The following MYLK4 variants were observed in gnomAD, a reference collection of about 807,000 sequenced individuals.
MYLK4 encodes caMLCK like.
In MYLK4, 46 loss-of-function variants were observed where a neutral mutation model predicts 48.1. The ratio of observed to expected loss-of-function variants is 0.96; its 90% CI spans 0.75 to 1.22. The LOEUF (loss-of-function observed/expected upper bound fraction) is 1.22, where lower values mean the gene tolerates loss of function less well. Among genes scored for constraint, MYLK4 ranks in the 50% most tolerant of loss-of-function variants. The pLI is 0.00. For synonymous variants in MYLK4, 170 were observed against 180.8 expected (o/e 0.94, Z 0.48); for missense variants, 451 against 486.1 (o/e 0.93, Z 0.68).
intron 2 of MYLK4, among the ~76,000 whole-genome samples, chr6:2,704,738 C>G (rs1762425558): frequency 6.6e-6 from 1 of 152,192 alleles, no homozygotes; most frequent in South Asian, 2.1e-4. Context: ...AAGGCAAGAG[C>G]AGGGAGTAGC....
At chr6:2,760,218 T>A in the MYLK4 span, among the ~76,000 whole-genome samples, 1 of 152,240 alleles carries the variant, frequency 6.6e-6, no homozygotes, top group African/African-American at 2.4e-5. Context: ...TTAGGTATCA[T>A]AAGTAATCTA....
chr6:2,696,227 A>T (rs183262715), intron 2 of MYLK4, among the ~76,000 whole-genome samples: 1 of 152,290 alleles, frequency 6.6e-6, no homozygotes, highest in Non-Finnish European at 1.5e-5. Context: ...TGGTCTCGTA[A>T]GTGGGATATA....
At chr6:2,765,126 G>A in the MYLK4 span, among the ~76,000 whole-genome samples, 7 of 151,468 alleles carry the variant, frequency 4.6e-5, no homozygotes, top group African/African-American at 1.7e-4. Flanking sequence ...GGCCTGGGCG[G>A]AGGGCTGCGT....
chr6:2,690,307 T>A (rs987790942), intron 3 of MYLK4, among the ~76,000 whole-genome samples: 1 of 152,152 alleles, frequency 6.6e-6, no homozygotes, highest in Non-Finnish European at 1.5e-5. Context: ...CTGTCCTCGT[T>A]GACGAGGCGC....
chr6:2,766,218 CCTTCGGGGCCAGT>C, the MYLK4 span: 4 of 1,484,768 alleles, frequency 2.7e-6, no homozygotes, highest in Non-Finnish European at 2.7e-6. Context: ...GCCGCCACCG[CCTTCGGGGCCAGT>C]GGCGGGGGCC....
chr6:2,671,981 C>T (rs114546194), intron 11 of MYLK4, among the ~76,000 whole-genome samples: 553 of 152,068 alleles, frequency 3.6e-3, no homozygotes, highest in African/African-American at 0.013. Context: ...ATGGGAAACG[C>T]GTGAAGATTT....
chr6:2,734,398 G>A (rs1561875142), intron 2 of MYLK4, among the ~76,000 whole-genome samples: 1 of 152,170 alleles, frequency 6.6e-6, no homozygotes, highest in Non-Finnish European at 1.5e-5. Flanking sequence ...GACCCTCCCA[G>A]GGCAGAGGGA....
At chr6:2,734,803 G>T (rs999368852) in intron 2 of MYLK4, among the ~76,000 whole-genome samples, 3 of 152,122 alleles carry the variant, frequency 2.0e-5, no homozygotes, top group Admixed American at 2.0e-4. Context: ...GACTGCAGGG[G>T]TTAATGAATA....
At chr6:2,768,670 C>T in the MYLK4 span, 6 of 1,579,626 alleles carry the variant, frequency 3.8e-6, 1 homozygote, top group Non-Finnish European at 5.2e-6. Context: ...TTTCAAACTC[C>T]ATGTATGTCA....
intron 2 of MYLK4, among the ~76,000 whole-genome samples, chr6:2,718,200 A>T (rs1049285707): frequency 6.6e-6 from 1 of 150,840 alleles, no homozygotes; most frequent in African/African-American, 2.4e-5. Flanking sequence ...AAAAAAAAAA[A>T]AGAAAAAGAG....
intron 2 of MYLK4, among the ~76,000 whole-genome samples, chr6:2,702,167 A>G (rs569875124): frequency 1.3e-5 from 2 of 152,308 alleles, no homozygotes; most frequent in African/African-American, 4.8e-5. Context: ...AAGAGCATGC[A>G]TAACTAGGTA....
intron 2 of MYLK4, among the ~76,000 whole-genome samples, chr6:2,701,367 C>T (rs1248503027): frequency 3.3e-5 from 5 of 152,096 alleles, no homozygotes; most frequent in African/African-American, 4.8e-5. Context: ...CAGTGGGGCA[C>T]GCCGGCCGAG....
At chr6:2,705,783 C>T (rs1762465860) in intron 2 of MYLK4, among the ~76,000 whole-genome samples, 1 of 151,974 alleles carries the variant, frequency 6.6e-6, no homozygotes, top group Admixed American at 6.6e-5. Flanking sequence ...CCTCCCAGTC[C>T]ATTGGGTTAG....
At chr6:2,684,297 C>T (rs979626384) in intron 6 of MYLK4, among the ~76,000 whole-genome samples, 4 of 152,080 alleles carry the variant, frequency 2.6e-5, no homozygotes, top group Non-Finnish European at 2.9e-5. Context: ...TGGGACCGAG[C>T]GGGACGGTGG....
chr6:2,741,166 G>A (rs1004600364), intron 2 of MYLK4, among the ~76,000 whole-genome samples: 1 of 152,156 alleles, frequency 6.6e-6, no homozygotes, highest in Non-Finnish European at 1.5e-5. Context: ...TGATAGTGGT[G>A]TGTGAAAAAA....
intron 2 of MYLK4, among the ~76,000 whole-genome samples, chr6:2,725,796 T>C (rs950362906): frequency 6.6e-6 from 1 of 152,220 alleles, no homozygotes; most frequent in African/African-American, 2.4e-5. Context: ...GAATTCAAAG[T>C]ACGTCCAAAT....
intron 4 of MYLK4, among the ~76,000 whole-genome samples, chr6:2,686,652 A>T: frequency 6.6e-6 from 1 of 152,166 alleles, no homozygotes; most frequent in East Asian, 1.9e-4. Context: ...CAGCGATGAA[A>T]GTCATGGCAA....
At chr6:2,681,046 A>G (rs1761279793) in intron 7 of MYLK4, among the ~76,000 whole-genome samples, 1 of 152,196 alleles carries the variant, frequency 6.6e-6, no homozygotes, top group South Asian at 2.1e-4. Context: ...ACTGGGGTAG[A>G]AAAACAGAGG....
At chr6:2,703,433 A>G (rs1762372881) in intron 2 of MYLK4, among the ~76,000 whole-genome samples, 1 of 152,204 alleles carries the variant, frequency 6.6e-6, no homozygotes, top group Non-Finnish European at 1.5e-5. Flanking sequence ...AAGAGTTACT[A>G]CCAGCAATGC....
Sources: allele counts gnomAD v4.1 joint callset (sites outside exome capture counted in the v4.1 genomes callset), GRCh38; gene constraint gnomAD v4.1.1; transcripts MANE v1.5; gene names NCBI Gene and HGNC (gene_info 2026-07-23, HGNC 2026-07-21).